ZFHX3: variants seen among roughly 807,000 people sequenced by gnomAD.
ZFHX3 encodes the protein zinc finger homeobox 3.
In ZFHX3, 42 loss-of-function variants were observed where a neutral mutation model predicts 279.1. That is an observed-to-expected ratio of 0.15 (90% CI 0.12 to 0.19). The LOEUF (loss-of-function observed/expected upper bound fraction) is 0.19. Among genes scored for constraint, ZFHX3 ranks in the 10% least tolerant of loss-of-function variants. ZFHX3 has a pLI of 1.00. For missense variants in ZFHX3, 4,981 were observed against 4,754.0 expected (o/e 1.05, Z -1.40); for synonymous variants, 2,293 against 1,957.8 (o/e 1.17, Z -4.52).
Position 73,727,774 on chromosome 16 carries a change from T to C in ZFHX3, c.-1607-47534A>G, listed in dbSNP as rs115229099. Among the ~76,000 whole-genome samples the C allele has an allele frequency of 2.1e-3, 317 of 152,236 alleles. 3 individuals are homozygous for C. Among genetic ancestry groups the C allele is most frequent in the African/African-American group, 7.2e-3 (299 of 41,542 alleles). ...TGTTTCCCAAAGAGTTATAGCTCAT[T>C]CTGATGTGAACGACTATCAGGACAC... On this transcript the variant is annotated intron_variant, in intron 1 of 17. Coordinates refer to the ZFHX3 transcript ENST00000641206.
In ZFHX3 at chr16:72,958,664, G is replaced by C. The variant is rs772418251; in HGVS notation, c.1482C>G (p.Leu494=). The change falls in exon 2 of 10, where the codon CTC becomes CTG. Residue 494 remains leucine (L), a synonymous_variant. Coordinates refer to ENST00000268489, the MANE Select transcript of ZFHX3 (RefSeq NM_006885.4). ...EEEEDEGCKG[L]FPSELDEELE... is the part of the protein sequence containing the mutation. ...GTTCCTCATCCAACTCGCTTGGAAA[G>C]AGTCCTTTGCAACCCTCGTCTTCCT... 4 of 1,613,666 alleles carry C rather than the reference G, an allele frequency of 2.5e-6. No individual in the cohort carries two copies. Among genetic ancestry groups the C allele is most frequent in the African/African-American group, 1.3e-5 (1 of 74,966 alleles).
chr16:73,590,800 G>A lies in ZFHX3; in HGVS notation c.-1547+89380C>T, dbSNP rs538401689. 7.5e-4 allele frequency among the ~76,000 whole-genome samples: 114 copies of A among 152,226 alleles called. 1 individual carries two copies. Among genetic ancestry groups the A allele is most frequent in the African/African-American group, 2.6e-3 (106 of 41,548 alleles). On this transcript the variant is annotated intron_variant, in intron 2 of 17. Coordinates refer to the ZFHX3 transcript ENST00000641206. The stretch of plus-strand genomic sequence containing the variant: ...ATTTCACAATCACTAGTGAGCTAAT[G>A]GATCAAGGTCATGATCACCAATGGC...
intron 7 of ZFHX3, among the ~76,000 whole-genome samples, chr16:73,103,228 T>A (rs1398136728): frequency 5.9e-5 from 9 of 152,156 alleles, no homozygotes. Context: ...CCCAGCCTAT[T>A]ATCTTTGAAA....
chr16:73,256,136 A>T (rs991371892), intron 5 of ZFHX3, among the ~76,000 whole-genome samples: 18 of 152,172 alleles, frequency 1.2e-4, no homozygotes, highest in African/African-American at 4.3e-4. Flanking sequence ...CTAGGAGGAG[A>T]TGCCATTCTT....
chr16:73,630,315 G>T (rs1291644581), intron 2 of ZFHX3, among the ~76,000 whole-genome samples: 1 of 152,210 alleles, frequency 6.6e-6, no homozygotes, highest in African/African-American at 2.4e-5. Flanking sequence ...TTTGGAGAGG[G>T]TGACCCTGCT....
chr16:73,803,845 A>G (rs936120997), intron 1 of ZFHX3, among the ~76,000 whole-genome samples: 5 of 152,206 alleles, frequency 3.3e-5, no homozygotes, highest in Non-Finnish European at 7.3e-5. Context: ...AAAGATAATG[A>G]TACAGAAAGA....
intron 3 of ZFHX3, among the ~76,000 whole-genome samples, chr16:73,370,860 C>T (rs183081720): frequency 1.3e-5 from 2 of 152,318 alleles, no homozygotes; most frequent in African/African-American, 4.8e-5. Flanking sequence ...CCAGTCATCT[C>T]AGACATAATG....
intron 2 of ZFHX3, among the ~76,000 whole-genome samples, chr16:73,652,772 A>G (rs141683081): frequency 6.6e-6 from 1 of 152,318 alleles, no homozygotes; most frequent in Non-Finnish European, 1.5e-5. Context: ...GGAAAAATAA[A>G]TAAAAGAATG....
At chr16:73,832,022 TC>T (rs1961010061) in intron 1 of ZFHX3, among the ~76,000 whole-genome samples, 1 of 152,180 alleles carries the variant, frequency 6.6e-6, no homozygotes, top group Admixed American at 6.5e-5. Context: ...TGCCTCAGCC[TC>T]CCGAGTAGCT....
intron 2 of ZFHX3, among the ~76,000 whole-genome samples, chr16:73,658,048 C>T (rs1207456114): frequency 6.6e-6 from 1 of 152,154 alleles, no homozygotes; most frequent in Non-Finnish European, 1.5e-5. Flanking sequence ...AGAGTAGATG[C>T]TGTGAAATAA....
chr16:72,882,450 G>T (rs2038503248), intron 4 of ZFHX3, among the ~76,000 whole-genome samples: 1 of 152,168 alleles, frequency 6.6e-6, no homozygotes, highest in African/African-American at 2.4e-5. Flanking sequence ...GGTGGATCTA[G>T]AACATCAAAG....
intron 4 of ZFHX3, among the ~76,000 whole-genome samples, chr16:73,277,831 G>C (rs1465961771): frequency 2.0e-5 from 3 of 152,130 alleles, no homozygotes; most frequent in Admixed American, 6.6e-5. Flanking sequence ...CTTCTGTGGA[G>C]GCCTCAAGAA....
chr16:73,271,953 A>AT (rs1419340648), intron 4 of ZFHX3, among the ~76,000 whole-genome samples: 1 of 152,214 alleles, frequency 6.6e-6, no homozygotes, highest in Non-Finnish European at 1.5e-5. Context: ...CAAGGCAACA[A>AT]TGTCATCATC....
intron 2 of ZFHX3, among the ~76,000 whole-genome samples, chr16:73,459,888 A>C (rs2018443315): frequency 6.6e-6 from 1 of 152,196 alleles, no homozygotes; most frequent in African/African-American, 2.4e-5. Flanking sequence ...CACCCCCGTG[A>C]TTCAATTACT....
intron 1 of ZFHX3, among the ~76,000 whole-genome samples, chr16:73,708,736 A>G (rs940743463): frequency 3.9e-5 from 6 of 152,332 alleles, no homozygotes; most frequent in African/African-American, 1.4e-4. Flanking sequence ...ACAGAAAAAA[A>G]AAGTGAATAC....
At chr16:73,514,243 G>T (rs748254864) in intron 2 of ZFHX3, among the ~76,000 whole-genome samples, 1 of 151,320 alleles carries the variant, frequency 6.6e-6, no homozygotes, top group East Asian at 1.9e-4. Flanking sequence ...GCAAGACTCC[G>T]TCTCAAAAAA....
rs554891628 is a variant in ZFHX3, at chr16:72,787,705, C to T, written c.10571G>A (p.Gly3524Asp). 1 of 1,389,284 alleles carries T rather than the reference C, an allele frequency of 7.2e-7. No individual in the cohort carries two copies. Among genetic ancestry groups the T allele is most frequent in the Non-Finnish European group, 9.4e-7 (1 of 1,060,754 alleles). 86.1% of individuals were successfully genotyped at this position (1,389,284 alleles called of 1,614,324 possible). Residue 3524 changes from glycine (G) to aspartate (D), a missense_variant, in exon 10 of 10, where the codon GGC (glycine) becomes GAC (aspartate). Physicochemically the swap from Gly to Asp is moderately conservative, Grantham distance 94. This residue lies in a region of ZFHX3 where 1,034 missense variants were observed against 786.0 expected (regional missense o/e 1.32). Coordinates refer to ENST00000268489, the MANE Select transcript of ZFHX3 (RefSeq NM_006885.4). ...CAGGCAGTGGTACGAGCCGCCGCCG[C>T]CGCCGCCGCCGCCACCGCCGCCGCC... ...GGGGGGGGGG[G>D]GGGSYHCLAC...
chr16:73,890,289 A>T (rs1480793072), intron 1 of ZFHX3, among the ~76,000 whole-genome samples: 1 of 151,032 alleles, frequency 6.6e-6, no homozygotes, highest in Non-Finnish European at 1.5e-5. Flanking sequence ...TTCCCCTTTT[A>T]CAACGACTCT....
intron 8 of ZFHX3, among the ~76,000 whole-genome samples, chr16:73,087,925 T>G (rs1183834018): frequency 1.3e-5 from 2 of 151,658 alleles, no homozygotes; most frequent in Non-Finnish European, 2.9e-5. Context: ...GCTTCCCGGG[T>G]TCAAATGATT....
Sources: gnomAD v4.1 joint callset for allele counts (sites outside exome capture counted in the v4.1 genomes callset) on GRCh38, gnomAD v4.1.1 for gene constraint, gnomAD v4.1.1 regional missense constraint, MANE v1.5 for transcripts, NCBI Gene and HGNC (gene_info 2026-07-23, HGNC 2026-07-21) for gene names.